The following WNK2 variants were observed in gnomAD, a reference collection of about 807,000 sequenced individuals.
The protein encoded by WNK2 is serine/threonine-protein kinase WNK2.
Under a neutral mutation model 192.1 loss-of-function variants are expected in WNK2, and 67 were observed. The ratio of observed to expected loss-of-function variants is 0.35; its 90% CI spans 0.29 to 0.43. The LOEUF is 0.43. Among genes scored for constraint, WNK2 ranks in the 20% least tolerant of loss-of-function variants. The pLI is 1.00. For synonymous variants in WNK2, 1,439 were observed against 1,393.9 expected (o/e 1.03, Z -0.72); for missense variants, 2,698 against 3,089.7 (o/e 0.87, Z 3.01).
At chr9:93,241,976 C>T (rs1396824609) in intron 7 of WNK2, among the ~76,000 whole-genome samples, 5 of 152,256 alleles carry the variant, frequency 3.3e-5, no homozygotes, top group South Asian at 4.1e-4. Context: ...GGTCTTGGCA[C>T]GCTTCCTGCT....
chr9:93,219,724 GC>G (rs1295765318), intron 2 of WNK2, among the ~76,000 whole-genome samples: 1 of 152,240 alleles, frequency 6.6e-6, no homozygotes, highest in African/African-American at 2.4e-5. Flanking sequence ...CTCTAGGTCA[GC>G]CCTGCAAGCT....
At chr9:93,308,607 G>A (rs116775041) in intron 28 of WNK2, 23 bp downstream of exon 28, 24 of 646,144 alleles carry the variant, frequency 3.7e-5, no homozygotes, top group Non-Finnish European at 6.6e-5. Context: ...CGGGTGGGGC[G>A]GGTGCTCCTG....
chr9:93,199,952 A>G (rs1832033909), intron 2 of WNK2, among the ~76,000 whole-genome samples: 1 of 149,466 alleles, frequency 6.7e-6, no homozygotes, highest in African/African-American at 2.4e-5. Flanking sequence ...ATGGGGGGGC[A>G]GCGGTTGGGC....
intron 2 of WNK2, among the ~76,000 whole-genome samples, chr9:93,213,551 A>G (rs922204157): frequency 7.2e-5 from 11 of 152,188 alleles, no homozygotes; most frequent in African/African-American, 2.7e-4. Context: ...GCACTTTGGG[A>G]AGCCGAGACT....
intron 19 of WNK2, among the ~76,000 whole-genome samples, chr9:93,283,231 T>C (rs1276877274): frequency 1.3e-5 from 2 of 152,104 alleles, no homozygotes; most frequent in African/African-American, 4.8e-5. Flanking sequence ...GTAATAAAAG[T>C]ATGTAGTGCA....
chr9:93,307,003 G>A (rs1852700499), intron 27 of WNK2, 182 bp downstream of exon 27: 7 of 706,744 alleles, frequency 9.9e-6, no homozygotes, highest in Non-Finnish European at 1.7e-5. Context: ...GCTGTCCTCG[G>A]CTCCCCCGTG....
chr9:93,277,386 T>C (rs575047512), intron 19 of WNK2, among the ~76,000 whole-genome samples: 87 of 152,354 alleles, frequency 5.7e-4, no homozygotes, highest in African/African-American at 7.2e-5. Context: ...TGAAAACTTA[T>C]GTTCACTTAA....
At chr9:93,245,841 T>C (rs1054495394) in intron 7 of WNK2, among the ~76,000 whole-genome samples, 6 of 152,190 alleles carry the variant, frequency 3.9e-5, no homozygotes, top group Admixed American at 1.3e-4. Flanking sequence ...CCTAGTGAGA[T>C]GGGATCAGGT....
At chr9:93,284,216 C>T (rs926668587) in intron 19 of WNK2, among the ~76,000 whole-genome samples, 1 of 152,198 alleles carries the variant, frequency 6.6e-6, no homozygotes, top group African/African-American at 2.4e-5. Flanking sequence ...ACTAGCGTAA[C>T]TTTGACACAA....
rs1400987847 is a variant in WNK2, at chr9:93,229,396, C to CA, written c.682-299dup. On this transcript the variant is annotated intron_variant, in intron 2 of 29. Transcript: ENST00000427277. This position sits in a 1 kb window ranked among gnomAD's most constrained non-coding sequence, Gnocchi z 4.9. ...GTGATTGTGGAGGAGGCAAAGGCCT[C>CA]AGAGGTGTATTTTTGGAAAAAGTGC... Among the ~76,000 whole-genome samples the CA allele has an allele frequency of 6.6e-6, 1 of 152,188 alleles. No homozygotes were observed. The highest frequency in any genetic ancestry group is 1.9e-4 in the East Asian group (1 of 5,196).
intron 2 of WNK2, among the ~76,000 whole-genome samples, chr9:93,200,009 C>T (rs1325298971): frequency 1.3e-5 from 2 of 152,252 alleles, no homozygotes; most frequent in East Asian, 1.9e-4. Context: ...GCTCCATCCC[C>T]TCAAGGAGGG....
At position 93,308,299 on chromosome 9, in the gene WNK2, C is replaced by G. The variant is rs548435702; in HGVS notation, c.6260-29C>G. On this transcript the variant is annotated intron_variant, in intron 27 of 29. Coordinates refer to ENST00000427277, the MANE Select transcript of WNK2 (RefSeq NM_006648.4). ...GGGCCTGGGTGCGTGTGTGGCGTCA[C>G]CAATCCTGGCCTGTGTGTGACTCCC... 3.2e-6 allele frequency: 5 copies of G among 1,543,352 alleles called. No individual in the cohort carries two copies. The Admixed American group carries it at 9.9e-5, about 31-fold the overall frequency.
At position 93,289,413 on chromosome 9, in the gene WNK2, C is replaced by A; in HGVS notation, c.4659C>A (p.Asp1553Glu). Residue 1553 changes from aspartate (D) to glutamate (E), a missense_variant, in exon 20 of 30, where the codon GAC becomes GAA. Coordinates refer to ENST00000427277, the MANE Select transcript of WNK2 (RefSeq NM_006648.4). ...GFVDSTIKSL[D>E]EKLRTLLYQE... is the part of the protein sequence containing the mutation. ...TGGACAGCACCATCAAGAGCCTGGA[C>A]GAGAAGCTGCGGACTCTGCTCTACC... The A allele has an allele frequency of 6.2e-7, 1 of 1,612,934 alleles. No homozygotes were observed. The highest frequency in any genetic ancestry group is 8.5e-7 in the Non-Finnish European group (1 of 1,179,752).
In WNK2 at chr9:93,261,791, C is replaced by G. The variant is rs941266008; in HGVS notation, c.3067-23C>G. On this transcript the variant is annotated intron_variant, in intron 12 of 29. Transcript: ENST00000427277. ...TGAAGGCAGCGCCGGCCCTGACTTG[C>G]ACCTTGTCCCCTGTGCCCCCAGATT... The G allele has an allele frequency of 5.7e-6, 9 of 1,573,616 alleles. No individual in the cohort carries two copies. In the Admixed American group the frequency reaches 1.5e-4, roughly 27 times the overall value.
intron 2 of WNK2, among the ~76,000 whole-genome samples, chr9:93,204,240 G>A (rs1832974918): frequency 6.6e-6 from 1 of 152,214 alleles, no homozygotes; most frequent in Non-Finnish European, 1.5e-5. Flanking sequence ...TGAGGTGCTG[G>A]GAGTGGGAGA....
chr9:93,311,095 A>G (rs544742775), intron 28 of WNK2, among the ~76,000 whole-genome samples: 14 of 152,216 alleles, frequency 9.2e-5, no homozygotes, highest in African/African-American at 3.4e-4. Context: ...GGGAACTTCC[A>G]TTCTGCTTCT....
chr9:93,217,224 T>C (rs1007881266), intron 2 of WNK2, among the ~76,000 whole-genome samples: 12 of 152,348 alleles, frequency 7.9e-5, no homozygotes, highest in African/African-American at 2.9e-4. Flanking sequence ...CCCAAAGTGC[T>C]GGGATTACAG....
At chr9:93,227,335 G>A (rs376677516) in intron 2 of WNK2, among the ~76,000 whole-genome samples, 4 of 152,050 alleles carry the variant, frequency 2.6e-5, no homozygotes, top group Non-Finnish European at 2.9e-5. Context: ...GGATGGTCTC[G>A]ATCTCCTGAG....
At chr9:93,269,455 C>T (rs774007254) in intron 19 of WNK2, among the ~76,000 whole-genome samples, 1 of 152,198 alleles carries the variant, frequency 6.6e-6, no homozygotes, top group Non-Finnish European at 1.5e-5. Flanking sequence ...CTCCCATTAT[C>T]TTTTGGAGAT....
Sources: allele counts gnomAD v4.1 joint callset (sites outside exome capture counted in the v4.1 genomes callset), GRCh38; gene constraint gnomAD v4.1.1; non-coding constraint Gnocchi (gnomAD v3.1); transcripts MANE v1.5; gene names NCBI Gene and HGNC (gene_info 2026-07-23, HGNC 2026-07-21).